The following ADAM17 variants were observed in gnomAD, a reference collection of about 807,000 sequenced individuals.
The protein encoded by ADAM17 is disintegrin and metalloproteinase domain-containing protein 17.
A neutral mutation model predicts 96.7 loss-of-function variants in ADAM17; 39 were observed. That is an observed-to-expected ratio of 0.40 (90% confidence interval 0.31 to 0.53). ADAM17 has a LOEUF of 0.53. Ranked by LOEUF, ADAM17 falls within the 20% of genes least tolerant of loss-of-function variation. The pLI is 0.44. For synonymous variants in ADAM17, 344 were observed against 359.2 expected, an observed-to-expected ratio of 0.96 and a Z score of 0.48; for missense variants, 777 against 1,013.2, an observed-to-expected ratio of 0.77 and a Z score of 3.17.
At chr2:9,524,624 G>C (rs976675633) in intron 6 of ADAM17, among the ~76,000 whole-genome samples, 1 of 152,050 alleles carries the variant, frequency 6.6e-6, no homozygotes, top group South Asian at 2.1e-4. Context: ...TGAGTACCTC[G>C]AATGTCTTCC....
At chr2:9,538,408 T>G (rs1558523062) in intron 2 of ADAM17, among the ~76,000 whole-genome samples, 1 of 152,190 alleles carries the variant, frequency 6.6e-6, no homozygotes, top group Non-Finnish European at 1.5e-5. Context: ...TTGCTTGTGG[T>G]TTTTTAATGG....
At chr2:9,514,438 C>A (rs1329481127) in intron 10 of ADAM17, among the ~76,000 whole-genome samples, 1 of 146,886 alleles carries the variant, frequency 6.8e-6, no homozygotes, top group Non-Finnish European at 1.5e-5. Context: ...GGGTGCAGCA[C>A]ACCAACATGG....
rs199755899 is a variant in ADAM17, at chr2:9,517,972, C to T, written c.1120G>A (p.Gly374Arg). The T allele has an allele frequency of 2.5e-5, 40 of 1,601,966 alleles. No individual in the cohort carries two copies. Among genetic ancestry groups the T allele is most frequent in the Non-Finnish European group, 3.2e-5 (38 of 1,175,990 alleles). ...CTATTCAAATAGATATTTTTCTTCCCAACTGGGCTATAATAAGCTAAAGTC... is the reference window on the plus strand; with the variant it reads ...CTATTCAAATAGATATTTTTCTTCCTAACTGGGCTATAATAAGCTAAAGTC... ...VCPKAYYSPV[G>R]KKNIYLNSGL... is the part of the protein sequence containing the mutation. The change falls in exon 10 of 19, where the codon GGG becomes AGG. Residue 374 changes from glycine to arginine, a missense_variant. Gly to Arg is a moderately radical substitution (Grantham distance 125). Transcript: ENST00000310823.
intron 12 of ADAM17, among the ~76,000 whole-genome samples, chr2:9,504,189 G>A (rs1410585733): frequency 1.3e-5 from 2 of 151,982 alleles, no homozygotes; most frequent in Non-Finnish European, 2.9e-5. Context: ...GCTCCCCTCT[G>A]TAATCCCAGC....
chr2:9,506,155 C>T (rs1193406151), intron 11 of ADAM17, among the ~76,000 whole-genome samples: 2 of 152,024 alleles, frequency 1.3e-5, no homozygotes, highest in East Asian at 1.9e-4. Flanking sequence ...TCGGGGTCTC[C>T]AAAGTGCTCT....
intron 10 of ADAM17, among the ~76,000 whole-genome samples, chr2:9,510,561 G>C (rs1396691852): frequency 6.6e-6 from 1 of 152,186 alleles, no homozygotes; most frequent in South Asian, 2.1e-4. Context: ...CTACTCGGGA[G>C]GCTGAGGCAG....
At chr2:9,553,493 G>C (rs1433921499) in intron 1 of ADAM17, among the ~76,000 whole-genome samples, 4 of 151,842 alleles carry the variant, frequency 2.6e-5, no homozygotes, top group Non-Finnish European at 5.9e-5. Flanking sequence ...GAATAACATG[G>C]AGAAACCCCA....
intron 18 of ADAM17, among the ~76,000 whole-genome samples, chr2:9,490,761 CT>C (rs568886357): frequency 2.2e-3 from 341 of 152,286 alleles, no homozygotes; most frequent in Middle Eastern, 0.02. Flanking sequence ...ATCCTGAAAA[CT>C]TACTTACCAT....
At position 9,529,969 on chromosome 2, in the gene ADAM17, TACACAC is replaced by T. The variant is rs35137204; in HGVS notation, c.451-2021_451-2016del. ...ACAGAGTGAGACTCCATCTCAAAAATACACACACACACACACACACACAAAACTACA... is the reference window on the plus strand; with the variant it reads ...ACAGAGTGAGACTCCATCTCAAAAATACACACACACACACACAAAACTACA... On this transcript the variant is annotated intron_variant, in intron 4 of 18. Coordinates refer to ENST00000310823, the MANE Select transcript of ADAM17 (RefSeq NM_003183.6). 1.3e-3 allele frequency among the ~76,000 whole-genome samples: 191 copies of T among 149,570 alleles called. 2 individuals carry two copies. Among genetic ancestry groups the T allele is most frequent in the African/African-American group, 4.3e-3 (177 of 40,866 alleles).
In ADAM17 at chr2:9,503,700, G is replaced by A. The variant is rs992768249; in HGVS notation, c.1545-1424C>T. On this transcript the variant is annotated intron_variant, in intron 12 of 18. Coordinates refer to ENST00000310823, the MANE Select transcript of ADAM17 (RefSeq NM_003183.6). Reference sequence around the variant, plus strand: ...CTAAAAACACAAAAATTAGCTGGGCGTGGTGGTGCACACTGTAATCCCAGC... The same window carrying A: ...CTAAAAACACAAAAATTAGCTGGGCATGGTGGTGCACACTGTAATCCCAGC... Among the ~76,000 whole-genome samples the A allele has an allele frequency of 3.7e-4, 56 of 151,920 alleles. 1 individual carries two copies. The highest frequency in any genetic ancestry group is 1.9e-4 in the East Asian group (1 of 5,160).
In ADAM17 at chr2:9,518,216, G is replaced by GAT. The variant is rs1000050918; in HGVS notation, c.987_988dup (p.Ser330TyrfsTer22). ...GAAAAGGTGTGCCAAGCAAACTTTAGATGCTTCCTCAGCTATATCAAAGCT... is the reference window on the plus strand; with the variant it reads ...GAAAAGGTGTGCCAAGCAAACTTTAGATATGCTTCCTCAGCTATATCAAAGCT... On this transcript the variant is annotated frameshift_variant, in exon 9 of 19. Transcript: ENST00000310823. LOFTEE classifies it high-confidence loss of function. 7.3e-7 allele frequency: 1 copy of GAT among 1,373,704 alleles called. No individual in the cohort carries two copies. The highest frequency in any genetic ancestry group is 9.6e-7 in the Non-Finnish European group (1 of 1,040,738). The allele number at this position is 1,373,704 out of a possible 1,614,324, so 85.1% of individuals were successfully genotyped here.
chr2:9,490,337 A>G lies in ADAM17; in HGVS notation c.2315T>C (p.Met772Thr). ...IQEDPSTDSHMDEDGFEKDPF... is the reference protein window; with the variant it reads ...IQEDPSTDSHTDEDGFEKDPF... ...GTCCTTCTCAAACCCATCCTCGTCC[A>G]TATGTGAGTCTGTGCTGGGGTCTTC... The change falls in exon 19 of 19, where the codon ATG (methionine) becomes ACG (threonine). Residue 772 changes from methionine to threonine, a missense_variant. By Grantham distance (81) the Met-to-Thr change is moderately conservative. Around this residue, in one of 3 missense-constraint regions of ADAM17, gnomAD observed 197 missense variants for 219.4 expected, o/e 0.90. Coordinates refer to ENST00000310823, the MANE Select transcript of ADAM17 (RefSeq NM_003183.6). 3 of 1,614,002 alleles carry G rather than the reference A, an allele frequency of 1.9e-6. No homozygotes were observed. Among genetic ancestry groups the G allele is most frequent in the South Asian group, 2.2e-5 (2 of 91,066 alleles).
chr2:9,529,612 G>C (rs745397608), intron 4 of ADAM17, among the ~76,000 whole-genome samples: 1 of 152,072 alleles, frequency 6.6e-6, no homozygotes, highest in Admixed American at 6.6e-5. Flanking sequence ...AGGATACAGC[G>C]TTTCTTTTTC....
rs1558496806 is a variant in ADAM17, at chr2:9,497,262, C to A, written c.1649-14G>T. 1.2e-6 allele frequency: 2 copies of A among 1,613,578 alleles called. No individual in the cohort carries two copies. Among genetic ancestry groups the A allele is most frequent in the African/African-American group, 1.3e-5 (1 of 75,026 alleles). ...CACTGCTATTACCTGGAAGCAAACA[C>A]CAGTCATAACAAAAAGAATGAGTCA... is the stretch of plus-strand genomic sequence containing the variant. On this transcript the variant is annotated splice_polypyrimidine_tract_variant and intron_variant, in intron 13 of 18. Transcript: ENST00000310823.
chr2:9,535,205 A>G (rs1392766986), intron 4 of ADAM17, among the ~76,000 whole-genome samples: 1 of 152,224 alleles, frequency 6.6e-6, no homozygotes. Flanking sequence ...CAGGTGATCT[A>G]TTTTAGTGAT....
intron 5 of ADAM17, among the ~76,000 whole-genome samples, chr2:9,527,126 C>T (rs569228369): frequency 5.3e-5 from 8 of 152,158 alleles, no homozygotes; most frequent in African/African-American, 1.9e-4. Context: ...AGTTTGAGAA[C>T]AGCCTGACCA....
intron 1 of ADAM17, among the ~76,000 whole-genome samples, chr2:9,543,714 A>G (rs1665303787): frequency 6.6e-6 from 1 of 152,226 alleles, no homozygotes; most frequent in Non-Finnish European, 1.5e-5. Context: ...GGAAGCTAAA[A>G]AAGTGGATCT....
intron 17 of ADAM17, 133 bp from the exon 18 acceptor site, chr2:9,491,284 A>G: frequency 1.4e-6 from 1 of 713,762 alleles, no homozygotes; most frequent in Non-Finnish European, 2.3e-6. Flanking sequence ...AGCAGGCTCA[A>G]CAGATGACAA....
intron 18 of ADAM17, 151 bp from the exon 19 acceptor site, chr2:9,490,669 G>A: frequency 1.2e-6 from 1 of 806,264 alleles, no homozygotes; most frequent in Non-Finnish European, 1.9e-6. Flanking sequence ...CAACCTAAGT[G>A]ACTAAAAAAT....
Sources: gnomAD v4.1 joint callset for allele counts (sites outside exome capture counted in the v4.1 genomes callset) on GRCh38, gnomAD v4.1.1 for gene constraint, gnomAD v4.1.1 regional missense constraint, MANE v1.5 for transcripts, NCBI Gene and HGNC (gene_info 2026-07-23, HGNC 2026-07-21) for gene names.